Variants in DLG1 observed in about 807,000 individuals in gnomAD.
DLG1 encodes disks large homolog 1.
A neutral mutation model predicts 123.4 loss-of-function variants in DLG1; 42 were observed. That is an observed-to-expected ratio of 0.34 (90% CI 0.27 to 0.44). DLG1 has a LOEUF of 0.44. Ranked by LOEUF, DLG1 falls within the 20% of genes least tolerant of loss-of-function variation. DLG1 has a pLI of 1.00. For missense variants in DLG1, 942 were observed against 1,082.6 expected (o/e 0.87, Z 1.82); for synonymous variants, 317 against 356.2 (o/e 0.89, Z 1.24).
At chr3:197,282,363 T>C (rs939794091) in intron 4 of DLG1, among the ~76,000 whole-genome samples, 6 of 152,206 alleles carry the variant, frequency 3.9e-5, no homozygotes, top group East Asian at 1.9e-4. Flanking sequence ...AACCATCTTT[T>C]CAAAGTACCA....
chr3:197,161,747 C>A, intron 5 of DLG1: 1 of 1,537,106 alleles, frequency 6.5e-7, no homozygotes, highest in South Asian at 1.2e-5. Flanking sequence ...GGCTAAAAAT[C>A]ATCAATGACA....
intron 4 of DLG1, among the ~76,000 whole-genome samples, chr3:197,264,781 C>T (rs1760990811): frequency 6.6e-6 from 1 of 152,052 alleles, no homozygotes; most frequent in African/African-American, 2.4e-5. Context: ...AAGTATAATG[C>T]AAATATCAAA....
rs552281785 is a variant in DLG1 at position 197,082,577 on chromosome 3, T to C, written c.1839-1460A>G. Among the ~76,000 whole-genome samples, 4 of 152,328 alleles carry C rather than the reference T, an allele frequency of 2.6e-5. No individual in the cohort carries two copies. In the East Asian group the frequency reaches 7.7e-4, roughly 29 times the overall value. ...GTACATAATTCAGCAACTTAAATTG[T>C]CTATATTTGTAAATATTATTCCTGA... On this transcript the variant is annotated intron_variant, in intron 16 of 24. Coordinates refer to ENST00000667157, the MANE Select transcript of DLG1 (RefSeq NM_001366207.1).
In DLG1 at chr3:197,138,251, A is replaced by T; in HGVS notation, c.854T>A (p.Met285Lys). Residue 285 changes from methionine to lysine, a missense_variant, in exon 9 of 25, where the codon ATG (methionine) becomes AAG (lysine). Transcript: ENST00000667157. ...KRRKPVSEKI[M>K]EIKLIKGPKG... is the part of the protein sequence containing the mutation. ...AGGACCTTTAATGAGCTTTATTTCC[A>T]TTATTTTTTCTGACACTGGTTTCCT... 6.2e-7 allele frequency: 1 copy of T among 1,602,350 alleles called. No homozygotes were observed. Among genetic ancestry groups the T allele is most frequent in the Non-Finnish European group, 8.5e-7 (1 of 1,172,604 alleles).
intron 14 of DLG1, among the ~76,000 whole-genome samples, chr3:197,095,134 C>G (rs577571670): frequency 6.6e-6 from 1 of 152,166 alleles, no homozygotes; most frequent in South Asian, 2.1e-4. Flanking sequence ...TTTTTAAAGA[C>G]TAGAGCAATC....
At chr3:197,213,696 A>G (rs1444440110) in intron 4 of DLG1, among the ~76,000 whole-genome samples, 1 of 152,226 alleles carries the variant, frequency 6.6e-6, no homozygotes, top group East Asian at 1.9e-4. Flanking sequence ...TATGAAGAAA[A>G]CTTCAAAATG....
intron 4 of DLG1, among the ~76,000 whole-genome samples, chr3:197,276,286 C>G (rs2151092469): frequency 6.6e-6 from 1 of 152,336 alleles, no homozygotes; most frequent in Middle Eastern, 3.4e-3. Flanking sequence ...CTGCAGTGAG[C>G]ATCCCTGTAC....
intron 4 of DLG1, among the ~76,000 whole-genome samples, chr3:197,207,193 CAA>C (rs1231871410): frequency 6.6e-6 from 1 of 152,162 alleles, no homozygotes; most frequent in African/African-American, 2.4e-5. Flanking sequence ...GTCCTTCACG[CAA>C]AGTCTGCTCT....
At chr3:197,138,812 A>G (rs575830059) in intron 8 of DLG1, among the ~76,000 whole-genome samples, 2 of 152,232 alleles carry the variant, frequency 1.3e-5, no homozygotes, top group African/African-American at 4.8e-5. Context: ...TTTAATCCCT[A>G]TTTCACAGAT....
intron 4 of DLG1, among the ~76,000 whole-genome samples, chr3:197,198,096 C>T (rs772096026): frequency 2.0e-4 from 31 of 151,400 alleles, no homozygotes; most frequent in Non-Finnish European, 8.8e-5. Context: ...CATCAGCAAC[C>T]AAAGAAAAAA....
At chr3:197,079,541 G>C (rs1002363411) in intron 17 of DLG1, among the ~76,000 whole-genome samples, 1 of 152,128 alleles carries the variant, frequency 6.6e-6, no homozygotes, top group Non-Finnish European at 1.5e-5. Context: ...TAAACACGTC[G>C]TTAATTCAGT....
intron 4 of DLG1, among the ~76,000 whole-genome samples, chr3:197,278,282 C>CAAAA (rs71164203): frequency 5.1e-4 from 19 of 37,524 alleles, no homozygotes; most frequent in Admixed American, 3.0e-3. Context: ...GACTCTGTCC[C>CAAAA]AAAAAAAAAA....
intron 3 of DLG1, 120 bp from the exon 4 acceptor site, chr3:197,282,965 C>A: frequency 7.2e-6 from 4 of 556,816 alleles, no homozygotes; most frequent in Non-Finnish European, 1.2e-5. Context: ...CAATTCCCAT[C>A]GTATAATGTA....
At position 197,185,244 on chromosome 3, in the gene DLG1, G is replaced by A. The variant is rs374797321; in HGVS notation, c.483+9181C>T. Among the ~76,000 whole-genome samples the A allele has an allele frequency of 2.0e-5, 3 of 152,216 alleles. No individual in the cohort carries two copies. In the East Asian group the frequency reaches 5.8e-4, roughly 29 times the overall value. On this transcript the variant is annotated intron_variant, in intron 5 of 24. Transcript: ENST00000667157. The stretch of plus-strand genomic sequence containing the variant: ...GACTGACAGAATCTTCCTTGTCTAC[G>A]TGCTTACCAGCACCAACTGGATGCA...
chr3:197,205,856 T>C (rs1366219940), intron 4 of DLG1, among the ~76,000 whole-genome samples: 2 of 152,206 alleles, frequency 1.3e-5, no homozygotes, highest in South Asian at 2.1e-4. Flanking sequence ...GGACTGTCTA[T>C]ATACATTGCT....
chr3:197,184,023 T>C, intron 5 of DLG1: 1 of 1,316,750 alleles, frequency 7.6e-7, no homozygotes, highest in Non-Finnish European at 9.7e-7. Flanking sequence ...GTATGATGGC[T>C]GAGTTTATTT....
rs1241297752 is a variant in DLG1 at position 197,194,516 on chromosome 3, C to G, written c.392G>C (p.Gly131Ala). 7 of 1,606,194 alleles carry G rather than the reference C, an allele frequency of 4.4e-6. No homozygotes were observed. Among genetic ancestry groups the G allele is most frequent in the Non-Finnish European group, 6.0e-6 (7 of 1,176,400 alleles). The change falls in exon 5 of 25, where the codon GGT (glycine) becomes GCT (alanine). Residue 131 changes from glycine to alanine, a missense_variant. Physicochemically the swap from Gly to Ala is moderately conservative, Grantham distance 60. Transcript: ENST00000667157. ...ISPQITNEVI[G>A]PELVHVSEKN... ...CTCTGAGACATGAACCAATTCTGGA[C>G]CTATCACTTCATTTGTGATTTGTGG...
chr3:197,123,647 A>C (rs1172756322), intron 11 of DLG1, among the ~76,000 whole-genome samples: 11 of 152,194 alleles, frequency 7.2e-5, no homozygotes, highest in Admixed American at 7.2e-4. Flanking sequence ...CTGGGGTCTT[A>C]ATTGCCTCCT....
chr3:197,288,719 CAAA>C (rs1214430122), intron 3 of DLG1, among the ~76,000 whole-genome samples: 11 of 61,918 alleles, frequency 1.8e-4, no homozygotes, highest in Middle Eastern at 0.014. Context: ...GAAACTGTCT[CAAA>C]AAAAAAAAAA....
Sources: allele counts gnomAD v4.1 joint callset (sites outside exome capture counted in the v4.1 genomes callset), GRCh38; gene constraint gnomAD v4.1.1; transcripts MANE v1.5; gene names NCBI Gene and HGNC (gene_info 2026-07-23, HGNC 2026-07-21).